Variants in SHISA6 observed in about 807,000 individuals in gnomAD.
SHISA6 encodes the protein shisa family member 6.
A neutral mutation model predicts 47.9 loss-of-function variants in SHISA6; 22 were observed. The ratio of observed to expected loss-of-function variants is 0.46; its 90% CI spans 0.33 to 0.66. SHISA6 has a LOEUF of 0.66. SHISA6 is among the 30% of genes least tolerant of loss of function. SHISA6 has a pLI of 0.02. For synonymous variants in SHISA6, 388 were observed against 337.8 expected, an observed-to-expected ratio of 1.15 and a Z score of -1.63; for missense variants, 680 against 764.6, an observed-to-expected ratio of 0.89 and a Z score of 1.30.
intron 3 of SHISA6, among the ~76,000 whole-genome samples, chr17:11,380,963 C>T (rs2142246260): frequency 6.6e-6 from 1 of 152,300 alleles, no homozygotes; most frequent in South Asian, 2.1e-4. Context: ...AGGAGAAAGA[C>T]AGAAGACACA....
At chr17:11,280,356 T>C (rs1348415097) in intron 2 of SHISA6, among the ~76,000 whole-genome samples, 1 of 152,208 alleles carries the variant, frequency 6.6e-6, no homozygotes, top group African/African-American at 2.4e-5. Flanking sequence ...ATAATAGCTG[T>C]GTAAGGATTT....
chr17:11,439,907 C>T (rs1915052712), intron 3 of SHISA6, among the ~76,000 whole-genome samples: 1 of 152,114 alleles, frequency 6.6e-6, no homozygotes, highest in Non-Finnish European at 1.5e-5. Flanking sequence ...AGAGGACATT[C>T]ACTCTCTATT....
intron 2 of SHISA6, among the ~76,000 whole-genome samples, chr17:11,363,868 T>C (rs1912365066): frequency 6.6e-6 from 1 of 152,216 alleles, no homozygotes; most frequent in Middle Eastern, 3.2e-3. Flanking sequence ...AGCTTGCCCC[T>C]TAATTTGCAT....
intron 2 of SHISA6, among the ~76,000 whole-genome samples, chr17:11,354,675 G>A (rs10468469): frequency 0.035 from 5,345 of 152,280 alleles, 290 homozygotes; most frequent in African/African-American, 0.11. Context: ...TCAGTCCACT[G>A]GGTGCAGTTC....
intron 3 of SHISA6, 51 bp from the exon 4 acceptor site, chr17:11,551,845 T>C (rs547153069): frequency 2.1e-6 from 3 of 1,437,984 alleles, no homozygotes; most frequent in East Asian, 5.0e-5. Context: ...GTTGGAGAGA[T>C]AGTGGAATGC....
intron 2 of SHISA6, among the ~76,000 whole-genome samples, chr17:11,265,212 A>C (rs1908382378): frequency 6.6e-6 from 1 of 152,234 alleles, no homozygotes; most frequent in African/African-American, 2.4e-5. Context: ...TGTTTTAAAC[A>C]ATCTCCCCAA....
Position 11,453,058 on chromosome 17 carries a change from G to A in SHISA6, c.895+73549G>A, listed in dbSNP as rs561338041. 3.3e-5 allele frequency among the ~76,000 whole-genome samples: 5 copies of A among 151,972 alleles called. No individual in the cohort carries two copies. The South Asian group carries it at 1.0e-3, about 32-fold the overall frequency. ...CATTCCTCAGCTTTCCTCAGGACTG[G>A]AGAACAGACAGGCATTGGCATTAAT... On this transcript the variant is annotated intron_variant, in intron 3 of 5. Coordinates refer to ENST00000441885, the MANE Select transcript of SHISA6 (RefSeq NM_207386.4).
Position 11,350,183 on chromosome 17 carries a change from T to TTTA in SHISA6, c.800-29229_800-29228insATT, listed in dbSNP as rs1491221716. Among the ~76,000 whole-genome samples the TTTA allele has an allele frequency of 1.5e-3, 126 of 81,734 alleles. 1 individual carries two copies. Among genetic ancestry groups the TTTA allele is most frequent in the African/African-American group, 2.3e-3 (51 of 22,492 alleles). 53.6% of individuals were successfully genotyped at this position (81,734 alleles called of 152,430 possible). A position where few individuals can be genotyped will look rare whatever the true frequency, so the allele number is the denominator to read the frequency against. On this transcript the variant is annotated intron_variant, in intron 2 of 5. Transcript: ENST00000441885. Reference sequence around the variant, plus strand: ...ATTTATTTATTTATTTATTTATTTATTTTTTTTTTTTTTTGAGACGGAGTC... The same window carrying TTTA: ...ATTTATTTATTTATTTATTTATTTATTTATTTTTTTTTTTTTTGAGACGGAGTC...
chr17:11,302,598 A>T (rs1311914359), intron 2 of SHISA6, among the ~76,000 whole-genome samples: 1 of 152,148 alleles, frequency 6.6e-6, no homozygotes, highest in Non-Finnish European at 1.5e-5. Context: ...CAAGAGAGAG[A>T]GGGAGAGAAG....
intron 3 of SHISA6, among the ~76,000 whole-genome samples, chr17:11,416,086 G>A (rs1265604552): frequency 1.3e-5 from 2 of 152,002 alleles, no homozygotes; most frequent in Admixed American, 6.6e-5. Flanking sequence ...CATTTGGGGG[G>A]TGGGCTCTAC....
chr17:11,317,694 C>T (rs2041239), intron 2 of SHISA6, among the ~76,000 whole-genome samples: 111,730 of 151,716 alleles, frequency 0.74, 41,283 homozygotes, highest in Middle Eastern at 0.77. Context: ...TCCCTCCCTC[C>T]GTTCTTTCCT....
rs117737354 is a variant in SHISA6 at position 11,486,976 on chromosome 17, G to A, written c.896-64920G>A. 2.8e-3 allele frequency among the ~76,000 whole-genome samples: 419 copies of A among 152,336 alleles called. 5 individuals are homozygous for A. The highest frequency in any genetic ancestry group is 0.017 in the Middle Eastern group (5 of 294). On this transcript the variant is annotated intron_variant, in intron 3 of 5. Coordinates refer to ENST00000441885, the MANE Select transcript of SHISA6 (RefSeq NM_207386.4). Reference sequence around the variant, plus strand: ...CACCTGCTTTCATAAATAACATTTTGTTAGAACACAACCACGTCATTCATG... The same window carrying A: ...CACCTGCTTTCATAAATAACATTTTATTAGAACACAACCACGTCATTCATG...
intron 2 of SHISA6, among the ~76,000 whole-genome samples, chr17:11,282,117 A>G (rs913566644): frequency 6.6e-6 from 1 of 152,178 alleles, no homozygotes; most frequent in Admixed American, 6.5e-5. Context: ...CCTCACTCTC[A>G]ATGCCTTTCA....
chr17:11,426,477 G>A (rs1423548233), intron 3 of SHISA6, among the ~76,000 whole-genome samples: 6 of 152,208 alleles, frequency 3.9e-5, no homozygotes, highest in Non-Finnish European at 7.3e-5. Context: ...AGAAGGTAAA[G>A]CATGATGTCT....
At chr17:11,362,872 C>T (rs749000606) in intron 2 of SHISA6, among the ~76,000 whole-genome samples, 5 of 152,136 alleles carry the variant, frequency 3.3e-5, no homozygotes, top group Non-Finnish European at 5.9e-5. Flanking sequence ...CTTTCTTTAC[C>T]TTTCCGTGAA....
chr17:11,407,540 A>G (rs936853299), intron 3 of SHISA6, among the ~76,000 whole-genome samples: 2 of 152,000 alleles, frequency 1.3e-5, no homozygotes, highest in Non-Finnish European at 2.9e-5. Flanking sequence ...ACATAGAGCC[A>G]TACCCATCTC....
chr17:11,451,817 G>A (rs1461888505), intron 3 of SHISA6, among the ~76,000 whole-genome samples: 1 of 152,238 alleles, frequency 6.6e-6, no homozygotes, highest in Non-Finnish European at 1.5e-5. Flanking sequence ...GTGCTGTCAT[G>A]AGCTGTCCAT....
chr17:11,453,726 C>T (rs1295804135), intron 3 of SHISA6, among the ~76,000 whole-genome samples: 2 of 152,090 alleles, frequency 1.3e-5, no homozygotes, highest in African/African-American at 4.8e-5. Context: ...TCGACAAAAA[C>T]GGAATAGACT....
At chr17:11,334,444 TG>T (rs1156765363) in intron 2 of SHISA6, among the ~76,000 whole-genome samples, 2 of 152,152 alleles carry the variant, frequency 1.3e-5, no homozygotes, top group Non-Finnish European at 2.9e-5. Flanking sequence ...GACTCACAGG[TG>T]GCCATCTCTC....
Sources: allele counts gnomAD v4.1 joint callset (sites outside exome capture counted in the v4.1 genomes callset), GRCh38; gene constraint gnomAD v4.1.1; transcripts MANE v1.5; gene names NCBI Gene and HGNC (gene_info 2026-07-23, HGNC 2026-07-21).